ITGAV: variants seen among roughly 807,000 people sequenced by gnomAD.
ITGAV encodes integrin subunit alpha V.
A neutral mutation model predicts 143.8 loss-of-function variants in ITGAV; 76 were observed. The observed-to-expected ratio is 0.53, with a 90% CI of 0.44 to 0.64. ITGAV has a LOEUF of 0.64. Ranked by LOEUF, ITGAV falls within the 30% of genes least tolerant of loss-of-function variation. The pLI is 0.00. For synonymous variants in ITGAV, 453 were observed against 446.7 expected, an observed-to-expected ratio of 1.01 and a Z score of -0.18; for missense variants, 1,193 against 1,274.7, an observed-to-expected ratio of 0.94 and a Z score of 0.98.
chr2:186,669,666 C>A, intron 25 of ITGAV, 35 bp from the exon 26 acceptor site: 2 of 1,397,594 alleles, frequency 1.4e-6, no homozygotes, highest in Non-Finnish European at 2.0e-6. Context: ...TTTTCATTAT[C>A]ATTTACCACC....
chr2:186,610,048 T>C (rs535557044), intron 2 of ITGAV, among the ~76,000 whole-genome samples: 1 of 152,248 alleles, frequency 6.6e-6, no homozygotes, highest in East Asian at 1.9e-4. Flanking sequence ...AGATTTCACA[T>C]GAACATTGCA....
At chr2:186,602,697 T>C (rs1686945049) in intron 2 of ITGAV, among the ~76,000 whole-genome samples, 1 of 152,026 alleles carries the variant, frequency 6.6e-6, no homozygotes, top group African/African-American at 2.4e-5. Context: ...ACCAACATGG[T>C]GAAACCCCAT....
At chr2:186,628,073 T>C (rs961229556) in intron 4 of ITGAV, among the ~76,000 whole-genome samples, 4 of 152,154 alleles carry the variant, frequency 2.6e-5, no homozygotes, top group African/African-American at 9.6e-5. Flanking sequence ...CCTATAGCTA[T>C]GGGTAATTCA....
chr2:186,608,082 G>T (rs890664649), intron 2 of ITGAV, among the ~76,000 whole-genome samples: 1 of 152,146 alleles, frequency 6.6e-6, no homozygotes, highest in Non-Finnish European at 1.5e-5. Flanking sequence ...TATCTGAGCC[G>T]TCACCTGGCG....
In ITGAV at chr2:186,622,354, C is replaced by G. The variant is rs1347707089; in HGVS notation, c.332C>G (p.Ala111Gly). 3 of 1,611,868 alleles carry G rather than the reference C, an allele frequency of 1.9e-6. No individual in the cohort carries two copies. In the Admixed American group the frequency reaches 5.0e-5, roughly 27 times the overall value. The change falls in exon 3 of 30, where the codon GCC becomes GGC. Residue 111 changes from alanine to glycine, a missense_variant. Transcript: ENST00000261023. ...TCTTTTTTAGGCAATAGAGATTATGCCAAGGATGATCCATTGGAATTTAAG... is the reference window on the plus strand; with the variant it reads ...TCTTTTTTAGGCAATAGAGATTATGGCAAGGATGATCCATTGGAATTTAAG... The part of the protein sequence containing the change: ...EFDATGNRDY[A>G]KDDPLEFKSH...
At position 186,677,451 on chromosome 2, in the gene ITGAV, C is replaced by G. The variant is rs1287984041; in HGVS notation, c.*159C>G. ...TGAGAATTATATTTGTCAACCTTCTCCTTATAAATAAGTTCAGACATACAT... is the reference window on the plus strand; with the variant it reads ...TGAGAATTATATTTGTCAACCTTCTGCTTATAAATAAGTTCAGACATACAT... On this transcript the variant is annotated 3_prime_UTR_variant, in exon 30 of 30. Coordinates refer to ENST00000261023, the MANE Select transcript of ITGAV (RefSeq NM_002210.5). The G allele has an allele frequency of 3.4e-6, 2 of 582,616 alleles. No individual in the cohort carries two copies. The highest frequency in any genetic ancestry group is 6.2e-6 in the Non-Finnish European group (2 of 324,832). 36.1% of individuals were successfully genotyped at this position (582,616 alleles called of 1,614,324 possible). A position where few individuals can be genotyped will look rare whatever the true frequency, so the allele number is the denominator to read the frequency against.
At chr2:186,615,781 G>A (rs1456884028) in intron 2 of ITGAV, among the ~76,000 whole-genome samples, 1 of 151,806 alleles carries the variant, frequency 6.6e-6, no homozygotes, top group Non-Finnish European at 1.5e-5. Context: ...TTTTTAAATG[G>A]TGTTTTTGTA....
At position 186,678,524 on chromosome 2, in the gene ITGAV, T is replaced by G. The variant is rs200738127; in HGVS notation, c.*1232T>G. ...TGTCAGAATAACTTCTAAAAGGTAT[T>G]TTTATAAGCAGTTCAAGTTACTGAA... On this transcript the variant is annotated 3_prime_UTR_variant, in exon 30 of 30. Coordinates refer to ENST00000261023, the MANE Select transcript of ITGAV (RefSeq NM_002210.5). The G allele has an allele frequency of 2.4e-4, 62 of 254,130 alleles. No homozygotes were observed. Among genetic ancestry groups the G allele is most frequent in the African/African-American group, 1.2e-3 (53 of 42,690 alleles). The allele number at this position is 254,130 out of a possible 1,614,324, so 15.7% of individuals were successfully genotyped here.
At chr2:186,673,090 T>A (rs1689110366) in intron 26 of ITGAV, among the ~76,000 whole-genome samples, 1 of 152,224 alleles carries the variant, frequency 6.6e-6, no homozygotes, top group Admixed American at 6.5e-5. Context: ...TGGGTTAATT[T>A]ATGTGTATGG....
chr2:186,663,157 A>G (rs986768144), intron 18 of ITGAV, among the ~76,000 whole-genome samples: 1 of 151,688 alleles, frequency 6.6e-6, no homozygotes, highest in African/African-American at 2.4e-5. Flanking sequence ...TTTTTCACCT[A>G]CCCTGATTGG....
intron 24 of ITGAV, among the ~76,000 whole-genome samples, chr2:186,668,216 A>ATTTATATTTTTTT (rs1688966707): frequency 2.4e-4 from 1 of 4,192 alleles, no homozygotes; most frequent in Admixed American, 4.3e-3. Context: ...ATATATATAT[A>ATTTATATTTTTTT]TTTTTTTTTT....
At chr2:186,638,357 A>G (rs1272929035) in intron 9 of ITGAV, 37 bp downstream of exon 9, 17 of 1,608,924 alleles carry the variant, frequency 1.1e-5, no homozygotes, top group Non-Finnish European at 1.4e-5. Flanking sequence ...AAAAATCTCT[A>G]AGTTATCTTC....
In ITGAV at chr2:186,637,270, C is replaced by T. The variant is rs61765175; in HGVS notation, c.802+161C>T. 7.6e-3 allele frequency among the ~76,000 whole-genome samples: 1,160 copies of T among 151,902 alleles called. 15 individuals are homozygous for T. The highest frequency in any genetic ancestry group is 0.027 in the African/African-American group (1,106 of 41,442). ...GCTGAGGCGGGTGGATCCCTTGAGC[C>T]CTGGAGTTCAAGAACAGTCTGGACA... On this transcript the variant is annotated intron_variant, in intron 8 of 29. Coordinates refer to ENST00000261023, the MANE Select transcript of ITGAV (RefSeq NM_002210.5).
Position 186,651,989 on chromosome 2 carries a change from C to T in ITGAV, c.1405C>T (p.Pro469Ser), listed in dbSNP as rs754825254. 6.2e-6 allele frequency: 10 copies of T among 1,602,344 alleles called. No homozygotes were observed. In the Admixed American group the frequency reaches 1.7e-4, roughly 27 times the overall value. The change falls in exon 15 of 30, where the codon CCA (proline) becomes TCA (serine). Residue 469 changes from proline to serine, a missense_variant. Transcript: ENST00000261023. Reference protein sequence around the residue: ...VDRAILYRARPVITVNAGLEV... With the variant: ...VDRAILYRARSVITVNAGLEV... ...TTTTCCCTCCCCCGCTAGGGCCAGA[C>T]CAGTTATCACTGTAAATGCTGGTCT...
Position 186,667,333 on chromosome 2 carries a change from T to C in ITGAV, c.2327+103T>C, listed in dbSNP as rs927678036. 1.1e-5 allele frequency: 9 copies of C among 834,150 alleles called. No homozygotes were observed. The African/African-American group carries it at 1.4e-4, about 13-fold the overall frequency. The allele number at this position is 834,150 out of a possible 1,614,324, so 51.7% of individuals were successfully genotyped here. A position where few individuals can be genotyped will look rare whatever the true frequency, so the allele number is the denominator to read the frequency against. On this transcript the variant is annotated intron_variant, in intron 23 of 29. Transcript: ENST00000261023. ...TGGACAATAGACCCTGCATGTTTAG[T>C]GGTGGTTTTACTAGGGCATTAGCTT...
Position 186,664,644 on chromosome 2 carries a change from A to T in ITGAV, c.2073+3A>T. The T allele has an allele frequency of 6.2e-7, 1 of 1,614,024 alleles. No homozygotes were observed. The highest frequency in any genetic ancestry group is 8.5e-7 in the Non-Finnish European group (1 of 1,179,904). On this transcript the variant is annotated splice_donor_region_variant and intron_variant, in intron 20 of 29. Coordinates refer to ENST00000261023, the MANE Select transcript of ITGAV (RefSeq NM_002210.5). Reference sequence around the variant, plus strand: ...TCGGGGTTGTCCGAAACAATGAAGTAAGCAGGCTGCCTCTTTAAAAATTGA... The same window carrying T: ...TCGGGGTTGTCCGAAACAATGAAGTTAGCAGGCTGCCTCTTTAAAAATTGA...
intron 2 of ITGAV, among the ~76,000 whole-genome samples, chr2:186,605,682 G>A (rs533111844): frequency 6.6e-6 from 1 of 151,160 alleles, no homozygotes; most frequent in African/African-American, 2.4e-5. Flanking sequence ...ATGAATGTAC[G>A]ATAAGAGGTT....
intron 24 of ITGAV, 88 bp downstream of exon 24, chr2:186,667,864 G>A: frequency 4.5e-6 from 3 of 666,468 alleles, no homozygotes; most frequent in Admixed American, 5.5e-5. Flanking sequence ...AAAATTCTAT[G>A]TAATTTTTAT....
chr2:186,667,106 T>G (rs375259672), intron 22 of ITGAV, 44 bp from the exon 23 acceptor site: 1 of 1,467,730 alleles, frequency 6.8e-7, no homozygotes, highest in Non-Finnish European at 9.4e-7. Flanking sequence ...TGTTCTTGGT[T>G]GTTATGCATA....
Sources: allele counts gnomAD v4.1 joint callset (sites outside exome capture counted in the v4.1 genomes callset), GRCh38; gene constraint gnomAD v4.1.1; transcripts MANE v1.5; gene names NCBI Gene and HGNC (gene_info 2026-07-23, HGNC 2026-07-21).